ZNF34: variants seen among roughly 807,000 people sequenced by gnomAD.
ZNF34 encodes the protein zinc finger protein 34 (KOX 32).
A neutral mutation model predicts 14.4 loss-of-function variants in ZNF34; 8 were observed. The ratio of observed to expected loss-of-function variants is 0.55; its 90% CI spans 0.33 to 1.00. The LOEUF (loss-of-function observed/expected upper bound fraction) is 1.00, where lower values mean the gene tolerates loss of function less well. Among genes scored for constraint, ZNF34 ranks in the 50% least tolerant of loss-of-function variants. ZNF34 has a pLI of 0.03. For missense variants in ZNF34, 538 were observed against 674.2 expected (o/e 0.80, Z 2.24); for synonymous variants, 235 against 247.9 (o/e 0.95, Z 0.49).
intron 1 of ZNF34, chr8:144,785,337 G>A (rs1363278869): frequency 6.6e-6 from 1 of 152,212 alleles, no homozygotes; most frequent in African/African-American, 2.4e-5. Context: ...AGAAGGCTGA[G>A]GCAGGAGGAT....
intron 1 of ZNF34, among the ~76,000 whole-genome samples, chr8:144,783,276 C>T (rs1455100821): frequency 1.3e-5 from 2 of 152,048 alleles, no homozygotes; most frequent in African/African-American, 4.8e-5. Context: ...AGTTTGTGTT[C>T]GCAACACTAA....
At position 144,778,500 on chromosome 8, in the gene ZNF34, G is replaced by T. The variant is rs1167466109; in HGVS notation, c.-29C>A. 1 of 1,587,460 alleles carries T rather than the reference G, an allele frequency of 6.3e-7. No homozygotes were observed. The highest frequency in any genetic ancestry group is 1.8e-5 in the Admixed American group (1 of 55,400). On this transcript the variant is annotated 5_prime_UTR_variant, in exon 3 of 6. The change creates a new upstream start codon in the 5' untranslated region. Coordinates refer to ENST00000429371, the MANE Select transcript of ZNF34 (RefSeq NM_001286769.2). The stretch of plus-strand genomic sequence containing the variant: ...CTGAGGGTTGGGCTTTCTGAGGGCA[G>T]TGAGCAGGAGCTGGTCACTGAGGAG...
intron 1 of ZNF34, among the ~76,000 whole-genome samples, chr8:144,783,969 G>A (rs543569559): frequency 6.6e-6 from 1 of 151,888 alleles, no homozygotes; most frequent in African/African-American, 2.4e-5. Flanking sequence ...AGACCATCCT[G>A]GCTAACATGG....
At position 144,787,269 on chromosome 8, in the gene ZNF34, TCA is replaced by T. The variant is rs1004877874; in HGVS notation, c.-108+8_-108+9del. On this transcript the variant is annotated splice_region_variant and intron_variant, in intron 1 of 5. Transcript: ENST00000429371. The stretch of plus-strand genomic sequence containing the variant: ...CCCCGCGCGCCCGCCCCCGCCGGGC[TCA>T]CACTCACCTCAGCGCCGCCGAGCAG... 6.6e-6 allele frequency: 1 copy of T among 152,572 alleles called. No homozygotes were observed. Among genetic ancestry groups the T allele is most frequent in the Non-Finnish European group, 1.5e-5 (1 of 68,394 alleles). 9.5% of individuals were successfully genotyped at this position (152,572 alleles called of 1,614,324 possible).
intron 5 of ZNF34, among the ~76,000 whole-genome samples, chr8:144,776,311 C>CA (rs767802287): frequency 0.044 from 5,165 of 117,112 alleles, 298 homozygotes; most frequent in African/African-American, 0.13. Flanking sequence ...GACTCTGTCT[C>CA]AAAAAAAAAA....
rs1278776740 is a variant in ZNF34 at position 144,773,089 on chromosome 8, T to C, written c.*177A>G. ...TTTTTTGCCCACTTTTCTGTCTCAATTTCTCTAAAATGAACATGCACTGCT... is the reference window on the plus strand; with the variant it reads ...TTTTTTGCCCACTTTTCTGTCTCAACTTCTCTAAAATGAACATGCACTGCT... On this transcript the variant is annotated 3_prime_UTR_variant, in exon 6 of 6. Transcript: ENST00000429371. The surrounding 1 kb of genome is among the most constrained non-coding windows in gnomAD (Gnocchi z 5.4). 7.3e-6 allele frequency: 5 copies of C among 683,052 alleles called. No homozygotes were observed. The highest frequency in any genetic ancestry group is 1.8e-5 in the African/African-American group (1 of 55,028). The allele number at this position is 683,052 out of a possible 1,614,324, so 42.3% of individuals were successfully genotyped here.
chr8:144,785,123 A>AAG (rs1826146677), intron 1 of ZNF34, among the ~76,000 whole-genome samples: 1 of 150,948 alleles, frequency 6.6e-6, no homozygotes, highest in African/African-American at 2.4e-5. Flanking sequence ...AAAAAAAAAA[A>AAG]AAAAAAGAAA....
chr8:144,780,575 G>A (rs1483114899), intron 1 of ZNF34, among the ~76,000 whole-genome samples: 1 of 151,580 alleles, frequency 6.6e-6, no homozygotes, highest in East Asian at 2.0e-4. Context: ...ATCACCTGAG[G>A]TCAGGAGTTC....
chr8:144,777,446 C>T lies in ZNF34; in HGVS notation c.280+12G>A, dbSNP rs745913241. On this transcript the variant is annotated intron_variant, in intron 5 of 5. Transcript: ENST00000429371. This position sits in a 1 kb window ranked among gnomAD's most constrained non-coding sequence, Gnocchi z 4.8. The stretch of plus-strand genomic sequence containing the variant: ...CGGTGACTTGAGTTGGGGAGCAGAT[C>T]CCCTCACGCACCTGGGCTGTTGACT... The T allele has an allele frequency of 3.2e-6, 5 of 1,550,822 alleles. No homozygotes were observed. The South Asian group carries it at 4.8e-5, about 15-fold the overall frequency.
At position 144,773,269 on chromosome 8, in the gene ZNF34, C is replaced by G. The variant is rs775517769; in HGVS notation, c.1617G>C (p.Met539Ile). 1.9e-6 allele frequency: 3 copies of G among 1,602,876 alleles called. No homozygotes were observed. Among genetic ancestry groups the G allele is most frequent in the Non-Finnish European group, 2.6e-6 (3 of 1,172,130 alleles). The change falls in exon 6 of 6, where the codon ATG (methionine) becomes ATC (isoleucine). Residue 539 changes from methionine (M) to isoleucine (I), a missense_variant. Transcript: ENST00000429371. The surrounding 1 kb of genome is among the most constrained non-coding windows in gnomAD (Gnocchi z 5.4). ...QRIHLREDFS[M>I] The stretch of plus-strand genomic sequence containing the variant: ...GCCCTCGGACACCGCGCCACTGTTA[C>G]ATGGAGAAGTCCTCCCGGAGGTGAA...
chr8:144,784,654 A>G (rs1826112610), intron 1 of ZNF34, among the ~76,000 whole-genome samples: 1 of 152,126 alleles, frequency 6.6e-6, no homozygotes, highest in South Asian at 2.1e-4. Context: ...GCTACTCAGG[A>G]GGCTGAAGTA....
rs1825644392 is a variant in ZNF34, at chr8:144,778,136, A to G, written c.62T>C (p.Val21Ala). 1 of 1,613,646 alleles carries G rather than the reference A, an allele frequency of 6.2e-7. No individual in the cohort carries two copies. The highest frequency in any genetic ancestry group is 1.3e-5 in the African/African-American group (1 of 74,898). ...GCCCCATTCCTCCCGGGAGAGGTAC[A>G]CAGCCACGTCCTCGAAGGTCACCTC... Reference protein sequence around the residue: ...QAEVTFEDVAVYLSREEWGRL... With the variant: ...QAEVTFEDVAAYLSREEWGRL... The change falls in exon 4 of 6, where the codon GTG becomes GCG. Residue 21 changes from valine (V) to alanine (A), a missense_variant. Transcript: ENST00000429371.
chr8:144,778,880 G>A (rs888177470), intron 2 of ZNF34, among the ~76,000 whole-genome samples: 2 of 152,108 alleles, frequency 1.3e-5, no homozygotes, highest in African/African-American at 4.8e-5. Flanking sequence ...CTACAGGCGC[G>A]CACCACCACT....
At position 144,779,424 on chromosome 8, in the gene ZNF34, G is replaced by A. The variant is rs984075006; in HGVS notation, c.-55+804C>T. Reference sequence around the variant, plus strand: ...ATCCTCACCACCTGCTTCTTTGTTCGATCATCAATAAATAGTGTGGGCTCC... The same window carrying A: ...ATCCTCACCACCTGCTTCTTTGTTCAATCATCAATAAATAGTGTGGGCTCC... On this transcript the variant is annotated intron_variant, in intron 2 of 5. Coordinates refer to ENST00000429371, the MANE Select transcript of ZNF34 (RefSeq NM_001286769.2). This position sits in a 1 kb window ranked among gnomAD's most constrained non-coding sequence, Gnocchi z 4.1. 3.9e-5 allele frequency among the ~76,000 whole-genome samples: 6 copies of A among 152,060 alleles called. No homozygotes were observed. The highest frequency in any genetic ancestry group is 3.2e-3 in the Middle Eastern group (1 of 316).
At chr8:144,785,391 T>G (rs7833325) in intron 1 of ZNF34, 1 of 152,016 alleles carries the variant, frequency 6.6e-6, no homozygotes, top group African/African-American at 2.4e-5. Flanking sequence ...GCTGTGCCAA[T>G]TGGGTGTCCC....
In ZNF34 at chr8:144,773,265, G is replaced by T. The variant is rs759494203; in HGVS notation, c.*1C>A. 1 of 1,601,202 alleles carries T rather than the reference G, an allele frequency of 6.2e-7. No individual in the cohort carries two copies. The highest frequency in any genetic ancestry group is 1.1e-5 in the South Asian group (1 of 89,516). On this transcript the variant is annotated 3_prime_UTR_variant, in exon 6 of 6. Coordinates refer to ENST00000429371, the MANE Select transcript of ZNF34 (RefSeq NM_001286769.2). This position sits in a 1 kb window ranked among gnomAD's most constrained non-coding sequence, Gnocchi z 5.4. ...CTCTGCCCTCGGACACCGCGCCACT[G>T]TTACATGGAGAAGTCCTCCCGGAGG... is the stretch of plus-strand genomic sequence containing the variant.
chr8:144,778,803 G>A (rs117728496), intron 2 of ZNF34, among the ~76,000 whole-genome samples: 2,404 of 151,894 alleles, frequency 0.016, 54 homozygotes, highest in Admixed American at 0.068. Context: ...CGTGATCTCG[G>A]CTCACTGCAG....
At chr8:144,786,610 G>C (rs575097750) in intron 1 of ZNF34, among the ~76,000 whole-genome samples, 1 of 151,704 alleles carries the variant, frequency 6.6e-6, no homozygotes, top group Non-Finnish European at 1.5e-5. Flanking sequence ...CTCCAGCCTG[G>C]GCGACAGAGC....
At chr8:144,778,688 C>T (rs1360998648) in intron 2 of ZNF34, among the ~76,000 whole-genome samples, 163 bp from the exon 3 acceptor site, 1 of 150,306 alleles carries the variant, frequency 6.7e-6, no homozygotes, top group East Asian at 1.9e-4. Context: ...AGACTCCACT[C>T]TTTGCCTGGG....
Sources: gnomAD v4.1 joint callset for allele counts (sites outside exome capture counted in the v4.1 genomes callset) on GRCh38, gnomAD v4.1.1 for gene constraint, Gnocchi (gnomAD v3.1) non-coding constraint, MANE v1.5 for transcripts, NCBI Gene and HGNC (gene_info 2026-07-23, HGNC 2026-07-21) for gene names.